The following SLC17A1 variants were observed in gnomAD, a reference collection of about 807,000 sequenced individuals.
SLC17A1 encodes sodium-dependent phosphate transport protein 1.
Under a neutral mutation model 53.5 loss-of-function variants are expected in SLC17A1, and 51 were observed. The observed-to-expected ratio is 0.95, with a 90% CI of 0.76 to 1.20. The LOEUF is 1.20. Among genes scored for constraint, SLC17A1 ranks in the 50% most tolerant of loss-of-function variants. The pLI, the probability that SLC17A1 is intolerant of heterozygous loss-of-function variation, is 0.00. For missense variants in SLC17A1, 538 were observed against 568.2 expected (o/e 0.95, Z 0.54); for synonymous variants, 179 against 198.8 (o/e 0.90, Z 0.84).
intron 10 of SLC17A1, among the ~76,000 whole-genome samples, chr6:25,803,571 A>G (rs1763856948): frequency 6.6e-6 from 1 of 152,144 alleles, no homozygotes; most frequent in African/African-American, 2.4e-5. Context: ...TATCTTGAAA[A>G]TAACATCTTG....
At chr6:25,823,872 G>C (rs1764649441) in intron 3 of SLC17A1, among the ~76,000 whole-genome samples, 1 of 151,738 alleles carries the variant, frequency 6.6e-6, no homozygotes, top group Non-Finnish European at 1.5e-5. Flanking sequence ...TCTATTTTCT[G>C]TCTTTACACT....
downstream of SLC17A1, among the ~76,000 whole-genome samples, chr6:25,781,707 G>A (rs1181505586): frequency 6.6e-6 from 1 of 151,934 alleles, no homozygotes; most frequent in Non-Finnish European, 1.5e-5. Context: ...GAGAGGAGGT[G>A]CCAGGTTTTT....
the SLC17A1 span, chr6:25,768,276 C>G: frequency 1.5e-6 from 1 of 676,068 alleles, no homozygotes; most frequent in East Asian, 1.4e-4. Flanking sequence ...CTTTCAGGAA[C>G]CAAGAAAATG....
At chr6:25,807,740 C>A (rs1461879460) in intron 10 of SLC17A1, among the ~76,000 whole-genome samples, 1 of 151,946 alleles carries the variant, frequency 6.6e-6, no homozygotes, top group Non-Finnish European at 1.5e-5. Context: ...TTACAAGTTA[C>A]TTTGCTTAGA....
chr6:25,728,251 A>T, the SLC17A1 span, among the ~76,000 whole-genome samples: 1 of 152,174 alleles, frequency 6.6e-6, no homozygotes, highest in South Asian at 2.1e-4. Flanking sequence ...GAACTCACAA[A>T]TCTGGTTAGC....
chr6:25,737,053 C>T, the SLC17A1 span, among the ~76,000 whole-genome samples: 1 of 152,172 alleles, frequency 6.6e-6, no homozygotes, highest in Admixed American at 6.5e-5. Context: ...GTTATAATAG[C>T]CCTTCTCAAT....
the SLC17A1 span, chr6:25,731,885 C>T: frequency 1.2e-6 from 2 of 1,602,956 alleles, no homozygotes; most frequent in Non-Finnish European, 1.7e-6. Context: ...TCTGGATCTC[C>T]CTGGAGGTGA....
intron 6 of SLC17A1, among the ~76,000 whole-genome samples, chr6:25,814,372 C>A (rs1158697729): frequency 6.6e-6 from 1 of 152,134 alleles, no homozygotes; most frequent in Non-Finnish European, 1.5e-5. Context: ...CAATCAACTT[C>A]CCAAAAATTC....
At chr6:25,777,564 AAACAACAACAACAAC>A in the SLC17A1 span, 138 of 162,052 alleles carry the variant, frequency 8.5e-4, 1 homozygote, top group Middle Eastern at 8.1e-3. Context: ...GCAGAAGCCA[AAACAACAACAACAAC>A]AACAACAACA....
At chr6:25,732,704 A>G in the SLC17A1 span, 1 of 1,342,276 alleles carries the variant, frequency 7.5e-7, no homozygotes. Flanking sequence ...CCGCAACGAC[A>G]AGGAGCTCGA....
At chr6:25,745,507 C>CATTT in the SLC17A1 span, among the ~76,000 whole-genome samples, 1 of 152,170 alleles carries the variant, frequency 6.6e-6, no homozygotes, top group Non-Finnish European at 1.5e-5. Flanking sequence ...AATACTTTAA[C>CATTT]ATTTACTTGG....
At chr6:25,774,775 G>A in the SLC17A1 span, among the ~76,000 whole-genome samples, 4 of 152,224 alleles carry the variant, frequency 2.6e-5, no homozygotes, top group South Asian at 8.3e-4. Flanking sequence ...CCAGAAAGCA[G>A]AGCTTTCCAG....
chr6:25,781,341 A>T (rs2151469986), downstream of SLC17A1: 1 of 152,324 alleles, frequency 6.6e-6, no homozygotes, highest in Middle Eastern at 3.4e-3. Flanking sequence ...GTGCTAAGAA[A>T]GGGAAGGGAA....
chr6:25,726,162 C>T, the SLC17A1 span: 2 of 1,569,748 alleles, frequency 1.3e-6, no homozygotes, highest in Non-Finnish European at 1.7e-6. Flanking sequence ...GGTGGTGACT[C>T]TCAGTCTTCT....
At chr6:25,726,281 G>A in the SLC17A1 span, 2 of 1,614,116 alleles carry the variant, frequency 1.2e-6, no homozygotes, top group South Asian at 2.2e-5. Flanking sequence ...AGCTGCAGGT[G>A]GCGGGGAATA....
chr6:25,731,864 G>A, the SLC17A1 span: 1 of 1,602,876 alleles, frequency 6.2e-7, no homozygotes, highest in African/African-American at 1.3e-5. Context: ...GCAGCAGCAG[G>A]CGCACGGCCG....
intron 6 of SLC17A1, among the ~76,000 whole-genome samples, chr6:25,816,329 C>T (rs1208478358): frequency 6.6e-6 from 1 of 152,238 alleles, no homozygotes; most frequent in African/African-American, 2.4e-5. Context: ...GCAAATAGTG[C>T]CTCCTACCTC....
At chr6:25,725,416 C>T in the SLC17A1 span, among the ~76,000 whole-genome samples, 1 of 152,292 alleles carries the variant, frequency 6.6e-6, no homozygotes, top group African/African-American at 2.4e-5. Context: ...TTAAGATTAA[C>T]TTACTTACAT....
chr6:25,727,815 G>A, the SLC17A1 span, among the ~76,000 whole-genome samples: 1 of 151,722 alleles, frequency 6.6e-6, no homozygotes, highest in Non-Finnish European at 1.5e-5. Context: ...GTTAAGAGAC[G>A]GAGACCATCT....
Sources: allele counts gnomAD v4.1 joint callset (sites outside exome capture counted in the v4.1 genomes callset), GRCh38; gene constraint gnomAD v4.1.1; transcripts MANE v1.5; gene names NCBI Gene and HGNC (gene_info 2026-07-23, HGNC 2026-07-21).